The following DNM3 variants were observed in gnomAD, a reference collection of about 807,000 sequenced individuals.
DNM3 encodes dynamin-3.
DNM3 carries 47 observed loss-of-function variants against 101.6 expected under a neutral mutation model. The ratio of observed to expected loss-of-function variants is 0.46; its 90% CI spans 0.37 to 0.59. The LOEUF is 0.59. Among genes scored for constraint, DNM3 ranks in the 20% least tolerant of loss-of-function variants. The probability of loss-of-function intolerance (pLI) is 0.00; values close to 1 mark genes in which losing one functional copy is unlikely to be tolerated. For synonymous variants in DNM3, 385 were observed against 387.9 expected, an observed-to-expected ratio of 0.99 and a Z score of 0.09; for missense variants, 849 against 1,085.7, an observed-to-expected ratio of 0.78 and a Z score of 3.06.
intron 15 of DNM3, among the ~76,000 whole-genome samples, chr1:172,283,639 A>T (rs1349580959): frequency 1.3e-5 from 2 of 151,680 alleles, no homozygotes; most frequent in Non-Finnish European, 2.9e-5. Flanking sequence ...AGGCACTTGT[A>T]GTCCCAGCTA....
At chr1:172,037,323 A>G (rs530161062) in intron 6 of DNM3, among the ~76,000 whole-genome samples, 2 of 152,346 alleles carry the variant, frequency 1.3e-5, no homozygotes, top group Non-Finnish European at 2.9e-5. Flanking sequence ...TCATGCTGCT[A>G]TAAATACATA....
At chr1:172,217,793 G>A (rs1399366438) in intron 14 of DNM3, among the ~76,000 whole-genome samples, 3 of 152,090 alleles carry the variant, frequency 2.0e-5, no homozygotes, top group African/African-American at 4.8e-5. Context: ...GTAAAGAAAT[G>A]TATGGGATGG....
chr1:172,172,345 A>C (rs2058993139), intron 14 of DNM3, among the ~76,000 whole-genome samples: 1 of 151,656 alleles, frequency 6.6e-6, no homozygotes, highest in Non-Finnish European at 1.5e-5. Context: ...TCCTATGCAT[A>C]CTATGCTTTT....
chr1:171,866,097 CT>C (rs2125064677), intron 1 of DNM3, among the ~76,000 whole-genome samples: 1 of 152,200 alleles, frequency 6.6e-6, no homozygotes, highest in African/African-American at 2.4e-5. Context: ...CCTTTCATTT[CT>C]GTTGCTGTTG....
intron 17 of DNM3, among the ~76,000 whole-genome samples, chr1:172,329,384 G>A (rs2066086391): frequency 6.6e-6 from 1 of 152,032 alleles, no homozygotes; most frequent in Non-Finnish European, 1.5e-5. Context: ...ATGGAAATTA[G>A]TATTTAACTT....
At chr1:172,068,728 A>G (rs186624639) in intron 10 of DNM3, 91 bp from the exon 11 acceptor site, 1 of 1,155,986 alleles carries the variant, frequency 8.7e-7, no homozygotes, top group East Asian at 2.6e-5. Flanking sequence ...GGCAATGAAT[A>G]TCTTCTGTAA....
intron 15 of DNM3, among the ~76,000 whole-genome samples, chr1:172,296,690 T>C (rs149330486): frequency 7.7e-4 from 117 of 152,372 alleles, no homozygotes; most frequent in African/African-American, 2.6e-3. Flanking sequence ...CAATAAGATA[T>C]TATCATTTCC....
chr1:172,203,043 G>C (rs2060205830), intron 14 of DNM3, among the ~76,000 whole-genome samples: 1 of 152,118 alleles, frequency 6.6e-6, no homozygotes, highest in Admixed American at 6.6e-5. Flanking sequence ...TATAACTGGG[G>C]CTCTACTGGG....
intron 13 of DNM3, among the ~76,000 whole-genome samples, chr1:172,115,486 A>C (rs1254920611): frequency 1.3e-5 from 2 of 152,138 alleles, no homozygotes; most frequent in African/African-American, 4.8e-5. Context: ...AGTGATTTCC[A>C]TCCTACTGAG....
At chr1:171,921,700 T>G in intron 1 of DNM3, 48 bp from the exon 2 acceptor site, 1 of 1,474,854 alleles carries the variant, frequency 6.8e-7, no homozygotes, top group South Asian at 1.2e-5. Context: ...AATGTACAGG[T>G]GATAAGAATT....
intron 4 of DNM3, among the ~76,000 whole-genome samples, chr1:172,030,990 A>T (rs1408096847): frequency 6.6e-6 from 1 of 152,150 alleles, no homozygotes; most frequent in South Asian, 2.1e-4. Context: ...GGAAGACAGT[A>T]TGGGAATCCC....
At chr1:172,036,640 T>C (rs1424623962) in intron 6 of DNM3, among the ~76,000 whole-genome samples, 23 of 151,960 alleles carry the variant, frequency 1.5e-4, no homozygotes, top group Non-Finnish European at 2.9e-4. Flanking sequence ...ATACAAAAAT[T>C]AATTCAAGAT....
At chr1:172,320,400 A>G (rs1383619258) in intron 16 of DNM3, among the ~76,000 whole-genome samples, 3 of 145,208 alleles carry the variant, frequency 2.1e-5, no homozygotes, top group Non-Finnish European at 3.0e-5. Flanking sequence ...AAAAAAAGAA[A>G]AAAAAAAAAG....
intron 2 of DNM3, among the ~76,000 whole-genome samples, chr1:171,958,396 A>G (rs1480211632): frequency 6.6e-6 from 1 of 152,166 alleles, no homozygotes; most frequent in Non-Finnish European, 1.5e-5. Flanking sequence ...ATGTGTATGT[A>G]TGTGGAGGCA....
chr1:172,402,002 T>C (rs909198177), intron 20 of DNM3, among the ~76,000 whole-genome samples: 1 of 152,172 alleles, frequency 6.6e-6, no homozygotes, highest in Admixed American at 6.6e-5. Context: ...CCTAGAAGTG[T>C]GCTCCAACCC....
intron 17 of DNM3, among the ~76,000 whole-genome samples, chr1:172,334,668 C>T (rs890280155): frequency 6.6e-6 from 1 of 152,184 alleles, no homozygotes; most frequent in African/African-American, 2.4e-5. Flanking sequence ...ACACTTTCCA[C>T]CATGTTTCAG....
intron 14 of DNM3, among the ~76,000 whole-genome samples, chr1:172,169,260 G>A (rs1005377038): frequency 6.6e-6 from 1 of 151,730 alleles, no homozygotes; most frequent in African/African-American, 2.4e-5. Context: ...GCTGAGTTTG[G>A]GTACTCTCAG....
In DNM3 at chr1:171,890,789, A is replaced by G. The variant is rs116570476; in HGVS notation, c.162-30959A>G. On this transcript the variant is annotated intron_variant, in intron 1 of 20. Coordinates refer to ENST00000627582, the MANE Select transcript of DNM3 (RefSeq NM_015569.5). ...TTTTTGTGATGATTATTAGAGACCA[A>G]TCACAGCAGCAAAAAACAAAACAAA... Among the ~76,000 whole-genome samples the G allele has an allele frequency of 4.8e-3, 732 of 152,294 alleles. 1 individual carries two copies. The highest frequency in any genetic ancestry group is 0.044 in the Middle Eastern group (13 of 294).
chr1:172,335,868 A>T (rs758711052), intron 17 of DNM3, among the ~76,000 whole-genome samples: 1 of 152,142 alleles, frequency 6.6e-6, no homozygotes, highest in East Asian at 1.9e-4. Flanking sequence ...TGACAGGATC[A>T]TTTGGACCCC....
Sources: allele counts gnomAD v4.1 joint callset (sites outside exome capture counted in the v4.1 genomes callset), GRCh38; gene constraint gnomAD v4.1.1; transcripts MANE v1.5; gene names NCBI Gene and HGNC (gene_info 2026-07-23, HGNC 2026-07-21).